The following TAFA2 variants were observed in gnomAD, a reference collection of about 807,000 sequenced individuals.
TAFA2 encodes TAFA chemokine like family member 2, also known as chemokine-like protein TAFA-2.
A neutral mutation model predicts 18.8 loss-of-function variants in TAFA2; 7 were observed. The ratio of observed to expected loss-of-function variants is 0.37; its 90% confidence interval spans 0.21 to 0.70. The LOEUF (loss-of-function observed/expected upper bound fraction) is 0.70, where lower values mean the gene tolerates loss of function less well. Ranked by LOEUF, TAFA2 falls within the 30% of genes least tolerant of loss-of-function variation. The pLI is 0.53. For synonymous variants in TAFA2, 60 were observed against 54.2 expected, an observed-to-expected ratio of 1.11 and a Z score of -0.47; for missense variants, 122 against 158.1, an observed-to-expected ratio of 0.77 and a Z score of 1.23.
At chr12:62,048,069 A>C (rs959705879) in intron 1 of TAFA2, among the ~76,000 whole-genome samples, 2 of 152,262 alleles carry the variant, frequency 1.3e-5, no homozygotes, top group African/African-American at 4.8e-5. Flanking sequence ...TTCGGAATTA[A>C]TCTTTCAAAT....
chr12:62,244,562 T>C (rs12369714), intron 1 of TAFA2, among the ~76,000 whole-genome samples: 97,769 of 151,992 alleles, frequency 0.64, 31,920 homozygotes, highest in Admixed American at 0.76. Context: ...CTTCTGGATA[T>C]CTGAAGAAGT....
At chr12:61,982,341 T>C (rs545747830) in intron 1 of TAFA2, among the ~76,000 whole-genome samples, 1 of 152,126 alleles carries the variant, frequency 6.6e-6, no homozygotes, top group Non-Finnish European at 1.5e-5. Flanking sequence ...CTAATGTAAA[T>C]GATGACTTGA....
intron 1 of TAFA2, among the ~76,000 whole-genome samples, chr12:62,142,010 G>A (rs1308131906): frequency 6.6e-6 from 1 of 152,120 alleles, no homozygotes; most frequent in Non-Finnish European, 1.5e-5. Context: ...CTAATGCCAG[G>A]CATCACACGG....
intron 1 of TAFA2, among the ~76,000 whole-genome samples, chr12:62,133,138 A>G (rs1364566242): frequency 6.6e-6 from 1 of 151,952 alleles, no homozygotes; most frequent in Non-Finnish European, 1.5e-5. Context: ...TCACAACCCA[A>G]TATTTCCCAC....
At chr12:62,250,902 G>A (rs931683809) in intron 1 of TAFA2, among the ~76,000 whole-genome samples, 1 of 152,220 alleles carries the variant, frequency 6.6e-6, no homozygotes, top group Admixed American at 6.5e-5. Flanking sequence ...TGAGAGATAT[G>A]TGGAACAGAC....
intron 1 of TAFA2, among the ~76,000 whole-genome samples, chr12:62,152,563 G>T (rs1054934363): frequency 1.3e-5 from 2 of 152,164 alleles, no homozygotes; most frequent in Non-Finnish European, 2.9e-5. Flanking sequence ...GTTCTCTTTT[G>T]CATGATAATT....
intron 2 of TAFA2, among the ~76,000 whole-genome samples, chr12:61,808,598 A>T (rs1312203575): frequency 6.6e-6 from 1 of 151,416 alleles, no homozygotes; most frequent in Admixed American, 6.6e-5. Context: ...ATGAGAAAAA[A>T]GTCATGTAGT....
chr12:62,219,759 T>C (rs1485800586), intron 1 of TAFA2, among the ~76,000 whole-genome samples: 2 of 152,158 alleles, frequency 1.3e-5, no homozygotes, highest in African/African-American at 4.8e-5. Flanking sequence ...TTCTATTAAG[T>C]TATAACTATA....
chr12:61,992,805 T>C (rs2136690827), intron 1 of TAFA2, among the ~76,000 whole-genome samples: 1 of 152,322 alleles, frequency 6.6e-6, no homozygotes, highest in South Asian at 2.1e-4. Context: ...AATTTTGGTG[T>C]TTCATAAACT....
In TAFA2 at chr12:62,123,400, T is replaced by TAA. The variant is rs548866897; in HGVS notation, c.-2+67857_-2+67858dup. Among the ~76,000 whole-genome samples, 193 of 141,570 alleles carry TAA rather than the reference T, an allele frequency of 1.4e-3. 5 individuals are homozygous for TAA. Among genetic ancestry groups the TAA allele is most frequent in the Admixed American group, 4.9e-4 (7 of 14,244 alleles). 92.9% of individuals were successfully genotyped at this position (141,570 alleles called of 152,430 possible). A position where few individuals can be genotyped will look rare whatever the true frequency, so the allele number is the denominator to read the frequency against. On this transcript the variant is annotated intron_variant, in intron 1 of 4. Transcript: ENST00000416284. Reference sequence around the variant, plus strand: ...TAAGGTAATAGACTGAAGAAGGGAATAAAAAAAAAAGCTTTCACTGGGAAA... The same window carrying TAA: ...TAAGGTAATAGACTGAAGAAGGGAATAAAAAAAAAAAAGCTTTCACTGGGAAA...
intron 1 of TAFA2, chr12:61,880,718 C>A: frequency 5.4e-6 from 2 of 368,382 alleles, no homozygotes; most frequent in South Asian, 4.7e-5. Flanking sequence ...TTGTGAAGAT[C>A]GAGACCCGCG....
intron 1 of TAFA2, among the ~76,000 whole-genome samples, chr12:61,891,211 T>C (rs1344494813): frequency 6.6e-6 from 1 of 151,870 alleles, no homozygotes; most frequent in Non-Finnish European, 1.5e-5. Flanking sequence ...GATAGGATGG[T>C]GAGAAAGATT....
upstream of TAFA2, among the ~76,000 whole-genome samples, chr12:62,195,911 T>C (rs1428806583): frequency 6.6e-6 from 1 of 152,192 alleles, no homozygotes; most frequent in Non-Finnish European, 1.5e-5. Flanking sequence ...GACTTCTCTC[T>C]AGCTGGGAAA....
At chr12:61,896,440 C>T (rs1165664740) in intron 1 of TAFA2, among the ~76,000 whole-genome samples, 1 of 152,190 alleles carries the variant, frequency 6.6e-6, no homozygotes, top group Non-Finnish European at 1.5e-5. Context: ...AGATTGCATA[C>T]AATTATCTCT....
At chr12:61,848,520 G>A (rs1199830314) in intron 2 of TAFA2, among the ~76,000 whole-genome samples, 1 of 152,104 alleles carries the variant, frequency 6.6e-6, no homozygotes, top group Non-Finnish European at 1.5e-5. Context: ...CAGTTTAAAA[G>A]TTGTACATAA....
At chr12:61,711,143 T>C (rs1869387560) in intron 4 of TAFA2, among the ~76,000 whole-genome samples, 1 of 151,992 alleles carries the variant, frequency 6.6e-6, no homozygotes, top group Admixed American at 6.6e-5. Context: ...AAAGACCATT[T>C]GTGTACAGGA....
chr12:61,844,845 A>G (rs919034047), intron 2 of TAFA2, among the ~76,000 whole-genome samples: 9 of 152,136 alleles, frequency 5.9e-5, no homozygotes, highest in Middle Eastern at 3.2e-3. Flanking sequence ...GTCTGCCTTG[A>G]AAACACTCAT....
chr12:61,724,005 T>C (rs1310690279), intron 4 of TAFA2, among the ~76,000 whole-genome samples: 1 of 152,080 alleles, frequency 6.6e-6, no homozygotes, highest in Non-Finnish European at 1.5e-5. Context: ...TTTCCTGTAA[T>C]AGAACACAGT....
At chr12:62,209,344 C>G (rs999967883) in intron 1 of TAFA2, among the ~76,000 whole-genome samples, 4 of 152,222 alleles carry the variant, frequency 2.6e-5, no homozygotes, top group African/African-American at 9.6e-5. Context: ...CTTCTTCTTC[C>G]TGCTGCCTTG....
Sources: gnomAD v4.1 joint callset for allele counts (sites outside exome capture counted in the v4.1 genomes callset) on GRCh38, gnomAD v4.1.1 for gene constraint, MANE v1.5 for transcripts, NCBI Gene and HGNC (gene_info 2026-07-23, HGNC 2026-07-21) for gene names.